The following ZC3H3 variants were observed in gnomAD, a reference collection of about 807,000 sequenced individuals.
The protein encoded by ZC3H3 is zinc finger CCCH domain-containing protein 3.
In ZC3H3, 36 loss-of-function variants were observed where a neutral mutation model predicts 77.3. The observed-to-expected ratio is 0.47, with a 90% CI of 0.36 to 0.61. The LOEUF (loss-of-function observed/expected upper bound fraction) is 0.61, where lower values mean the gene tolerates loss of function less well. ZC3H3 is among the 20% of genes least tolerant of loss of function. ZC3H3 has a pLI of 0.00. For missense variants in ZC3H3, 1,331 were observed against 1,312.2 expected (o/e 1.01, Z -0.22); for synonymous variants, 626 against 555.2 (o/e 1.13, Z -1.79).
chr8:143,516,019 C>T (rs112926539), intron 3 of ZC3H3, among the ~76,000 whole-genome samples: 1 of 152,184 alleles, frequency 6.6e-6, no homozygotes, highest in Non-Finnish European at 1.5e-5. Flanking sequence ...GTGCTGCTGA[C>T]GTGGCTGGGC....
At chr8:143,509,492 G>A (rs1403021981) in intron 3 of ZC3H3, among the ~76,000 whole-genome samples, 4 of 152,192 alleles carry the variant, frequency 2.6e-5, no homozygotes, top group African/African-American at 7.2e-5. Context: ...CCAGCCATGG[G>A]GCCGGGCCTC....
intron 3 of ZC3H3, among the ~76,000 whole-genome samples, chr8:143,532,556 C>G (rs1822649996): frequency 6.6e-6 from 1 of 152,412 alleles, no homozygotes; most frequent in Non-Finnish European, 1.5e-5. Flanking sequence ...CACACGACCC[C>G]AGCATCCAGG....
At chr8:143,453,008 G>A (rs1342586930) in intron 9 of ZC3H3, among the ~76,000 whole-genome samples, 2 of 152,168 alleles carry the variant, frequency 1.3e-5, no homozygotes, top group African/African-American at 4.8e-5. Context: ...AGACAGGATA[G>A]ACCAAAGACA....
chr8:143,438,020 G>A lies in ZC3H3; in HGVS notation c.*36C>T. 3 of 1,603,328 alleles carry A rather than the reference G, an allele frequency of 1.9e-6. No individual in the cohort carries two copies. Among genetic ancestry groups the A allele is most frequent in the South Asian group, 2.2e-5 (2 of 88,984 alleles). ...GAGCCTCTTTCCTCTCCAAGGATGA[G>A]GGTCTGAGGTAGGTGCAGGCCGGTC... On this transcript the variant is annotated 3_prime_UTR_variant, in exon 12 of 12. Transcript: ENST00000262577.
intron 5 of ZC3H3, 147 bp downstream of exon 5, chr8:143,475,251 G>A: frequency 1.0e-6 from 1 of 961,254 alleles, no homozygotes; most frequent in Non-Finnish European, 1.5e-6. Context: ...GGAGCATGAG[G>A]CCCCTGACCT....
chr8:143,501,069 G>A lies in ZC3H3; in HGVS notation c.1715+6677C>T, dbSNP rs530758921. On this transcript the variant is annotated intron_variant, in intron 4 of 11. Transcript: ENST00000262577. Reference sequence around the variant, plus strand: ...TGACCTCAAGTGATCCGCCTATCTCGGCCTCCCAAAGTTCTGGGATTACAG... The same window carrying A: ...TGACCTCAAGTGATCCGCCTATCTCAGCCTCCCAAAGTTCTGGGATTACAG... 7.9e-5 allele frequency among the ~76,000 whole-genome samples: 12 copies of A among 151,148 alleles called. No homozygotes were observed. The South Asian group carries it at 8.4e-4, about 11-fold the overall frequency.
rs1820391489 is a variant in ZC3H3, at chr8:143,465,742, T to C, written c.2282A>G (p.Lys761Arg). 3.1e-6 allele frequency: 5 copies of C among 1,613,852 alleles called. No individual in the cohort carries two copies. The highest frequency in any genetic ancestry group is 3.4e-6 in the Non-Finnish European group (4 of 1,179,978). ...CTTTGCACCCAGGGGGCAGTAGCCT[T>C]TGAGGAAGTCGCTGCAGACCTCGGC... ...RKAEVCSDFL[K>R]GYCPLGAKCK... Residue 761 changes from lysine (K) to arginine (R), a missense_variant, in exon 9 of 12, where the codon AAA becomes AGA. Lys to Arg is a conservative substitution (Grantham distance 26, BLOSUM62 2). Coordinates refer to ENST00000262577, the MANE Select transcript of ZC3H3 (RefSeq NM_015117.3).
chr8:143,499,023 G>A (rs924829774), intron 4 of ZC3H3, among the ~76,000 whole-genome samples: 6 of 152,156 alleles, frequency 3.9e-5, no homozygotes, highest in Admixed American at 1.3e-4. Flanking sequence ...AGCCACCAAC[G>A]TGAGCCTCCC....
In ZC3H3 at chr8:143,475,413, G is replaced by T; in HGVS notation, c.1888C>A (p.Pro630Thr). ...CACCTCTCACCTGTGCGCAGGAGGGGCCTGCTGCCCGCATCACTGGGCTGG... is the reference window on the plus strand; with the variant it reads ...CACCTCTCACCTGTGCGCAGGAGGGTCCTGCTGCCCGCATCACTGGGCTGG... Reference protein sequence around the residue: ...SGQPSDAGSRPLLRTGRLDPA... With the variant: ...SGQPSDAGSRTLLRTGRLDPA... Residue 630 changes from proline (P) to threonine (T), a missense_variant, in exon 5 of 12, where the codon CCC becomes ACC. Around this residue, in one of 3 missense-constraint regions of ZC3H3, gnomAD observed 978 missense variants for 915.5 expected, o/e 1.07. Coordinates refer to ENST00000262577, the MANE Select transcript of ZC3H3 (RefSeq NM_015117.3). 1 of 1,612,922 alleles carries T rather than the reference G, an allele frequency of 6.2e-7. No homozygotes were observed. Among genetic ancestry groups the T allele is most frequent in the Non-Finnish European group, 8.5e-7 (1 of 1,179,826 alleles).
intron 4 of ZC3H3, among the ~76,000 whole-genome samples, chr8:143,505,799 T>C (rs538915040): frequency 1.2e-4 from 19 of 152,202 alleles, no homozygotes; most frequent in African/African-American, 4.1e-4. Context: ...CCTCCAGGGG[T>C]GGGCTGAATT....
intron 2 of ZC3H3, among the ~76,000 whole-genome samples, chr8:143,537,071 G>C (rs1271353780): frequency 1.3e-5 from 2 of 152,140 alleles, no homozygotes; most frequent in African/African-American, 2.4e-5. Flanking sequence ...GGGCACCACT[G>C]TGTCTGATGA....
At chr8:143,504,984 T>C (rs2130413274) in intron 4 of ZC3H3, among the ~76,000 whole-genome samples, 1 of 152,276 alleles carries the variant, frequency 6.6e-6, no homozygotes. Flanking sequence ...GATGACTTCC[T>C]CTCAGGGTGA....
Position 143,541,445 on chromosome 8 carries a change from C to CT in ZC3H3, c.-25_-24insA. On this transcript the variant is annotated 5_prime_UTR_variant, in exon 1 of 12. Coordinates refer to ENST00000262577, the MANE Select transcript of ZC3H3 (RefSeq NM_015117.3). ...ATCTCCCGAGTCCGCGACGGCCGGCCAGGCCCCCACGACGTCATCGCTACG... is the reference window on the plus strand; with the variant it reads ...ATCTCCCGAGTCCGCGACGGCCGGCCTAGGCCCCCACGACGTCATCGCTACG... The CT allele has an allele frequency of 6.2e-7, 1 of 1,611,510 alleles. No homozygotes were observed. Among genetic ancestry groups the CT allele is most frequent in the Non-Finnish European group, 8.5e-7 (1 of 1,179,332 alleles).
chr8:143,521,433 TCTGGGGAGCTCCCAGCA>T (rs1822239565), intron 3 of ZC3H3, among the ~76,000 whole-genome samples: 1 of 152,072 alleles, frequency 6.6e-6, no homozygotes. Context: ...TATGTCTGCC[TCTGGGGAGCTCCCAGCA>T]GGCCGGGAGG....
chr8:143,476,843 G>A (rs1400564186), intron 4 of ZC3H3, among the ~76,000 whole-genome samples: 1 of 152,208 alleles, frequency 6.6e-6, no homozygotes. Context: ...TCTCTGCTGT[G>A]GAGTACCTGA....
intron 4 of ZC3H3, among the ~76,000 whole-genome samples, chr8:143,482,207 C>T (rs1820925375): frequency 6.6e-6 from 1 of 152,250 alleles, no homozygotes; most frequent in Non-Finnish European, 1.5e-5. Flanking sequence ...TGTGCTCCCT[C>T]CTGGCGCCAG....
At chr8:143,520,304 C>T (rs1471328843) in intron 3 of ZC3H3, among the ~76,000 whole-genome samples, 3 of 152,248 alleles carry the variant, frequency 2.0e-5, no homozygotes, top group Non-Finnish European at 1.5e-5. Context: ...GCAGGCTCCC[C>T]TGCTGGACCC....
chr8:143,450,869 C>G (rs535770605), intron 9 of ZC3H3, among the ~76,000 whole-genome samples: 2 of 152,342 alleles, frequency 1.3e-5, no homozygotes, highest in Admixed American at 6.5e-5. Flanking sequence ...GCACATCACA[C>G]TGCTAGCTGT....
At chr8:143,523,384 G>C (rs778696440) in intron 3 of ZC3H3, 46 of 985,304 alleles carry the variant, frequency 4.7e-5, no homozygotes, top group Non-Finnish European at 5.4e-5. Flanking sequence ...GAATGCTGCC[G>C]CGACGCCCCT....
Sources: allele counts gnomAD v4.1 joint callset (sites outside exome capture counted in the v4.1 genomes callset), GRCh38; gene constraint gnomAD v4.1.1; regional missense constraint gnomAD v4.1.1; transcripts MANE v1.5; gene names NCBI Gene and HGNC (gene_info 2026-07-23, HGNC 2026-07-21).